The following PCDH15 variants were observed in gnomAD, a reference collection of about 807,000 sequenced individuals.
PCDH15 encodes protocadherin-15.
In PCDH15, 129 loss-of-function variants were observed where a neutral mutation model predicts 178.5. That is an observed-to-expected ratio of 0.72 (90% CI 0.63 to 0.84). PCDH15 has a LOEUF of 0.84. Among genes scored for constraint, PCDH15 ranks in the 40% least tolerant of loss-of-function variants. PCDH15 has a pLI of 0.00. For synonymous variants in PCDH15, 800 were observed against 732.0 expected, an observed-to-expected ratio of 1.09 and a Z score of -1.50; for missense variants, 2,230 against 2,099.9, an observed-to-expected ratio of 1.06 and a Z score of -1.21.
At chr10:54,191,973 G>A (rs1564642223) in intron 11 of PCDH15, among the ~76,000 whole-genome samples, 1 of 135,324 alleles carries the variant, frequency 7.4e-6, no homozygotes, top group Non-Finnish European at 1.6e-5. Flanking sequence ...GGAGAAGGAG[G>A]GGAAGGAAGG....
At chr10:54,464,482 A>T (rs1376583544) in intron 3 of PCDH15, among the ~76,000 whole-genome samples, 1 of 152,158 alleles carries the variant, frequency 6.6e-6, no homozygotes, top group Admixed American at 6.5e-5. Flanking sequence ...TTTGGGGGAA[A>T]TATATTTAAA....
At chr10:54,308,361 T>C (rs1363519290) in intron 8 of PCDH15, among the ~76,000 whole-genome samples, 2 of 152,120 alleles carry the variant, frequency 1.3e-5, no homozygotes, top group African/African-American at 4.8e-5. Flanking sequence ...GACTTCATAC[T>C]TGTTATTCAG....
intron 1 of PCDH15, among the ~76,000 whole-genome samples, chr10:55,260,067 G>T (rs1702523840): frequency 6.6e-6 from 1 of 151,762 alleles, no homozygotes; most frequent in Admixed American, 6.6e-5. Context: ...AATAAAGAGT[G>T]AAAGACAGAT....
intron 3 of PCDH15, among the ~76,000 whole-genome samples, chr10:54,407,961 A>G (rs1018434113): frequency 2.0e-5 from 3 of 150,678 alleles, no homozygotes; most frequent in African/African-American, 7.3e-5. Context: ...TGGCTGAGGC[A>G]TGAGAATCAC....
intron 25 of PCDH15, among the ~76,000 whole-genome samples, chr10:53,934,957 A>T (rs1459786154): frequency 7.1e-6 from 1 of 140,406 alleles, no homozygotes; most frequent in Non-Finnish European, 1.5e-5. Context: ...GTCTAGAATT[A>T]AAAAAAAAAT....
chr10:55,438,083 C>A (rs1839089256), intron 2 of PCDH15, among the ~76,000 whole-genome samples: 1 of 151,940 alleles, frequency 6.6e-6, no homozygotes, highest in African/African-American at 2.4e-5. Flanking sequence ...GATCCTCCTA[C>A]CTCAGCCTCC....
At chr10:54,043,471 G>A (rs1305288844) in intron 18 of PCDH15, among the ~76,000 whole-genome samples, 1 of 151,908 alleles carries the variant, frequency 6.6e-6, no homozygotes, top group Non-Finnish European at 1.5e-5. Context: ...ACAGCTCACT[G>A]CAGCTTTGAC....
chr10:54,719,141 A>G (rs1427877654), intron 1 of PCDH15, among the ~76,000 whole-genome samples: 3 of 75,196 alleles, frequency 4.0e-5, no homozygotes, highest in African/African-American at 1.1e-4. Flanking sequence ...ACAATTCAGA[A>G]TATTAAAAAA....
At chr10:54,565,864 C>T (rs1256320096) in intron 2 of PCDH15, among the ~76,000 whole-genome samples, 1 of 151,742 alleles carries the variant, frequency 6.6e-6, no homozygotes, top group African/African-American at 2.4e-5. Context: ...GCAGGTGGAT[C>T]ACTTGAGGTT....
chr10:54,232,896 A>G (rs1354303596), intron 9 of PCDH15, among the ~76,000 whole-genome samples: 1 of 89,400 alleles, frequency 1.1e-5, no homozygotes, highest in Non-Finnish European at 2.4e-5. Context: ...AGTCTCTATT[A>G]TTTCTATTGT....
At chr10:54,752,181 T>C (rs1265674646) in intron 1 of PCDH15, among the ~76,000 whole-genome samples, 1 of 151,996 alleles carries the variant, frequency 6.6e-6, no homozygotes, top group Non-Finnish European at 1.5e-5. Flanking sequence ...TTCAACACCA[T>C]GAAGAATAAA....
At chr10:54,274,616 TTGTGTGTGTGTGTG>T (rs3069673) in intron 8 of PCDH15, among the ~76,000 whole-genome samples, 14 of 144,750 alleles carry the variant, frequency 9.7e-5, no homozygotes, top group South Asian at 4.5e-4. Context: ...CTCAGTTTAA[TTGTGTGTGTGTGTG>T]TGTGTGTGTG....
At chr10:55,219,567 C>T (rs1591997939) in intron 1 of PCDH15, among the ~76,000 whole-genome samples, 2 of 150,800 alleles carry the variant, frequency 1.3e-5, no homozygotes, top group East Asian at 3.9e-4. Context: ...ATATCAGAAA[C>T]ATATATAATA....
At chr10:54,286,491 G>A (rs1564867304) in intron 8 of PCDH15, among the ~76,000 whole-genome samples, 1 of 151,858 alleles carries the variant, frequency 6.6e-6, no homozygotes, top group Non-Finnish European at 1.5e-5. Context: ...TATTTTAATA[G>A]CATCTATAGA....
intron 25 of PCDH15, among the ~76,000 whole-genome samples, chr10:53,913,777 A>T (rs781480873): frequency 0.012 from 1,757 of 151,812 alleles, 27 homozygotes; most frequent in African/African-American, 0.037. Context: ...ACAAAAAAAA[A>T]CAAAGAGCTT....
chr10:55,379,109 T>C (rs1221972594), intron 2 of PCDH15, among the ~76,000 whole-genome samples: 1 of 150,460 alleles, frequency 6.6e-6, no homozygotes, highest in Non-Finnish European at 1.5e-5. Flanking sequence ...CATACATTGA[T>C]ATATATATAT....
At chr10:53,842,638 A>C (rs1328991313) in intron 28 of PCDH15, among the ~76,000 whole-genome samples, 1 of 152,210 alleles carries the variant, frequency 6.6e-6, no homozygotes, top group African/African-American at 2.4e-5. Context: ...TTCCTAGCAC[A>C]TAGTAACTAT....
At chr10:53,855,823 G>T (rs992380437) in intron 28 of PCDH15, among the ~76,000 whole-genome samples, 1 of 148,994 alleles carries the variant, frequency 6.7e-6, no homozygotes, top group Non-Finnish European at 1.5e-5. Flanking sequence ...AAACCACCAT[G>T]GCACATGTAT....
At chr10:54,946,794 G>C (rs1838210075) in intron 2 of PCDH15, among the ~76,000 whole-genome samples, 1 of 151,780 alleles carries the variant, frequency 6.6e-6, no homozygotes, top group South Asian at 2.1e-4. Context: ...GCTGGTGTTA[G>C]GAATTAGTTA....
Sources: allele counts gnomAD v4.1 joint callset (sites outside exome capture counted in the v4.1 genomes callset), GRCh38; gene constraint gnomAD v4.1.1; transcripts MANE v1.5; gene names NCBI Gene and HGNC (gene_info 2026-07-23, HGNC 2026-07-21).